FGF13: variants seen among roughly 807,000 people sequenced by gnomAD.
FGF13 encodes the protein fibroblast growth factor 13, also known as fibroblast growth factor homologous factor 2.
In FGF13, 2 loss-of-function variants were observed where a neutral mutation model predicts 19.5. That is an observed-to-expected ratio of 0.10 (90% confidence interval 0.04 to 0.32). The LOEUF (loss-of-function observed/expected upper bound fraction) is 0.32, where lower values mean the gene tolerates loss of function less well. FGF13 is among the 10% of genes least tolerant of loss of function. The pLI, the probability that FGF13 is intolerant of heterozygous loss-of-function variation, is 1.00. For synonymous variants in FGF13, 72 were observed against 76.9 expected, an observed-to-expected ratio of 0.94 and a Z score of 0.33; for missense variants, 113 against 192.7, an observed-to-expected ratio of 0.59 and a Z score of 2.45.
intron 1 of FGF13, among the ~76,000 whole-genome samples, chrX:138,882,746 C>T (rs1285883112): frequency 9.0e-6 from 1 of 111,594 alleles, no homozygotes; most frequent in Non-Finnish European, 1.9e-5. Context: ...TCTTCAACAG[C>T]CGAACCCTTT....
chrX:138,937,457 A>C (rs978418177), intron 1 of FGF13, among the ~76,000 whole-genome samples: 6 of 112,209 alleles, frequency 5.3e-5, no homozygotes. Flanking sequence ...CACTAGCTGC[A>C]TGTAAGCAGG....
At chrX:138,896,959 G>T (rs918042886) in intron 1 of FGF13, among the ~76,000 whole-genome samples, 3 of 111,831 alleles carry the variant, frequency 2.7e-5, no homozygotes, top group African/African-American at 9.8e-5. Context: ...AGTTCCGGGG[G>T]TGGGAACACG....
At chrX:139,189,775 C>T (rs2084310579) in intron 1 of FGF13, among the ~76,000 whole-genome samples, 1 of 111,831 alleles carries the variant, frequency 8.9e-6, no homozygotes, top group East Asian at 2.8e-4. Flanking sequence ...AGATTATATA[C>T]TTCAGTTAAA....
In FGF13 at chrX:139,057,911, A is replaced by G. The variant is rs183180617; in HGVS notation, c.-113+145505T>C. 8.0e-5 allele frequency among the ~76,000 whole-genome samples: 9 copies of G among 111,855 alleles called. No homozygotes were observed. The East Asian group carries it at 2.5e-3, about 31-fold the overall frequency. Reference sequence around the variant, plus strand: ...AAGGTTTAGAAGAAAAGGACAGAAGAAATTCTGGGGTGCTGTTAATGTTAT... The same window carrying G: ...AAGGTTTAGAAGAAAAGGACAGAAGGAATTCTGGGGTGCTGTTAATGTTAT... On this transcript the variant is annotated intron_variant, in intron 1 of 2. Coordinates refer to the FGF13 transcript ENST00000421460.
At chrX:138,733,562 G>A (rs898714986) in intron 1 of FGF13, among the ~76,000 whole-genome samples, 2 of 111,254 alleles carry the variant, frequency 1.8e-5, no homozygotes, top group Non-Finnish European at 3.8e-5. Context: ...CCAAAGACTG[G>A]CTTCAGTGTT....
intron 1 of FGF13, among the ~76,000 whole-genome samples, chrX:139,066,340 G>A (rs1032836821): frequency 1.8e-4 from 20 of 110,737 alleles, no homozygotes; most frequent in African/African-American, 5.9e-4. Flanking sequence ...AACTGAAGGC[G>A]ATAGAGACAC....
intron 3 of FGF13, among the ~76,000 whole-genome samples, chrX:138,687,808 A>G (rs140501698): frequency 3.5e-4 from 39 of 112,112 alleles, no homozygotes; most frequent in African/African-American, 8.4e-4. Context: ...ACAATGCAAT[A>G]TTATTCAGCC....
chrX:138,777,101 C>G lies in FGF13; in HGVS notation c.218-68173G>C, dbSNP rs1345060114. Among the ~76,000 whole-genome samples, 4 of 111,851 alleles carry G rather than the reference C, an allele frequency of 3.6e-5. No individual in the cohort carries two copies. In the East Asian group the frequency reaches 8.5e-4, roughly 24 times the overall value. On this transcript the variant is annotated intron_variant, in intron 3 of 6. Coordinates refer to the FGF13 transcript ENST00000436198. ...CAGCATTTCCTGATCCCTGACAGAA[C>G]AGCAGATGGCAGCCCAGGTAGGCTT...
intron 1 of FGF13, among the ~76,000 whole-genome samples, chrX:138,990,274 A>T (rs1251977090): frequency 9.0e-6 from 1 of 110,654 alleles, no homozygotes; most frequent in African/African-American, 3.3e-5. Context: ...GTTAAGATTT[A>T]AAAATACAGC....
intron 1 of FGF13, among the ~76,000 whole-genome samples, chrX:138,977,103 G>T (rs993584338): frequency 3.6e-5 from 4 of 111,754 alleles, no homozygotes; most frequent in African/African-American, 1.3e-4. Context: ...TAGGAATGTA[G>T]AGAAGGGTAG....
intron 1 of FGF13, among the ~76,000 whole-genome samples, chrX:139,129,878 C>G (rs1303944653): frequency 8.9e-6 from 1 of 111,783 alleles, no homozygotes; most frequent in Non-Finnish European, 1.9e-5. Flanking sequence ...TGATGTTCCA[C>G]CTTATCGATT....
chrX:139,141,055 A>T (rs1213068573), intron 1 of FGF13, among the ~76,000 whole-genome samples: 1 of 75,962 alleles, frequency 1.3e-5, no homozygotes, highest in Non-Finnish European at 2.9e-5. Flanking sequence ...GATGATAGAT[A>T]GATAGATAGA....
chrX:138,939,286 C>A (rs1374193000), intron 1 of FGF13, among the ~76,000 whole-genome samples: 1 of 112,056 alleles, frequency 8.9e-6, no homozygotes, highest in Non-Finnish European at 1.9e-5. Flanking sequence ...TGACCCAGAA[C>A]AAGCCCTAAG....
chrX:139,043,962 T>C (rs2092278893), intron 1 of FGF13, among the ~76,000 whole-genome samples: 1 of 111,365 alleles, frequency 9.0e-6, no homozygotes, highest in South Asian at 3.8e-4. Context: ...ACCAGGATCT[T>C]AGGGGAAGGA....
At chrX:139,093,719 T>A (rs2083452946) in intron 1 of FGF13, among the ~76,000 whole-genome samples, 1 of 111,884 alleles carries the variant, frequency 8.9e-6, no homozygotes, top group South Asian at 3.8e-4. Flanking sequence ...GGAGCCAAGA[T>A]GCACATGTTG....
intron 1 of FGF13, among the ~76,000 whole-genome samples, chrX:139,108,316 G>T (rs1475469802): frequency 8.9e-6 from 1 of 111,788 alleles, no homozygotes; most frequent in Non-Finnish European, 1.9e-5. Flanking sequence ...AAATGCCTTA[G>T]TCAGGCATCT....
chrX:139,020,442 T>C (rs897149099), intron 1 of FGF13, among the ~76,000 whole-genome samples: 9 of 110,900 alleles, frequency 8.1e-5, no homozygotes, highest in African/African-American at 3.0e-4. Flanking sequence ...GCTTGGTAAA[T>C]TGTATACCTG....
At chrX:138,646,876 G>A (rs914144753) in intron 3 of FGF13, among the ~76,000 whole-genome samples, 2 of 111,431 alleles carry the variant, frequency 1.8e-5, no homozygotes, top group Non-Finnish European at 3.8e-5. Context: ...AATACAAAGC[G>A]GAGAAAGACA....
chrX:139,049,061 G>A (rs747125133), intron 1 of FGF13, among the ~76,000 whole-genome samples: 2 of 111,112 alleles, frequency 1.8e-5, no homozygotes, highest in African/African-American at 6.5e-5. Flanking sequence ...GCACTTCGAC[G>A]TGTTTAAGAG....
Sources: gnomAD v4.1 joint callset for allele counts (sites outside exome capture counted in the v4.1 genomes callset) on GRCh38, gnomAD v4.1.1 for gene constraint, MANE v1.5 for transcripts, NCBI Gene and HGNC (gene_info 2026-07-23, HGNC 2026-07-21) for gene names.